Variants in TMPO observed in about 807,000 individuals in gnomAD.
The protein encoded by TMPO is thymopoietin, also known as LEM domain containing 4.
A neutral mutation model predicts 45.4 loss-of-function variants in TMPO; 22 were observed. The observed-to-expected ratio is 0.48, with a 90% CI of 0.35 to 0.69. The LOEUF is 0.69. TMPO is among the 30% of genes least tolerant of loss of function. The pLI, the probability that TMPO is intolerant of heterozygous loss-of-function variation, is 0.01. For synonymous variants in TMPO, 241 were observed against 204.1 expected, an observed-to-expected ratio of 1.18 and a Z score of -1.54; for missense variants, 512 against 548.8, an observed-to-expected ratio of 0.93 and a Z score of 0.67.
chr12:98,519,324 G>A (rs572627004), intron 1 of TMPO, among the ~76,000 whole-genome samples: 13 of 152,096 alleles, frequency 8.5e-5, no homozygotes, highest in Admixed American at 3.3e-4. Context: ...TCGACCTCCC[G>A]AGTAGCTGGG....
rs1875722674 is a variant in TMPO, at chr12:98,515,703, G to A, written c.-165G>A. The A allele has an allele frequency of 5.5e-6, 8 of 1,455,820 alleles. No homozygotes were observed. The highest frequency in any genetic ancestry group is 7.4e-6 in the Non-Finnish European group (8 of 1,085,198). 90.2% of individuals were successfully genotyped at this position (1,455,820 alleles called of 1,614,324 possible). A position where few individuals can be genotyped will look rare whatever the true frequency, so the allele number is the denominator to read the frequency against. ...TCTGGGGTCTTTTGTGTCCGGGTCTGGCTTGGCTTTGTGTCCGCGAGTTTT... is the reference window on the plus strand; with the variant it reads ...TCTGGGGTCTTTTGTGTCCGGGTCTAGCTTGGCTTTGTGTCCGCGAGTTTT... On this transcript the variant is annotated 5_prime_UTR_variant, in exon 1 of 9. Coordinates refer to ENST00000556029, the MANE Select transcript of TMPO (RefSeq NM_001032283.3).
In TMPO at chr12:98,533,647, G is replaced by A. The variant is rs1450805694; in HGVS notation, c.565+1809G>A. ...ACTGATGTCTTCTTTTGCCAAAACT[G>A]TTGTCTCTCATTCACTCACTACCTT... is the stretch of plus-strand genomic sequence containing the variant. On this transcript the variant is annotated intron_variant, in intron 3 of 8. Coordinates refer to ENST00000556029, the MANE Select transcript of TMPO (RefSeq NM_001032283.3). 2 of 1,614,046 alleles carry A rather than the reference G, an allele frequency of 1.2e-6. No individual in the cohort carries two copies. The highest frequency in any genetic ancestry group is 2.7e-5 in the African/African-American group (2 of 74,916).
intron 1 of TMPO, among the ~76,000 whole-genome samples, chr12:98,523,541 CAA>C (rs747050595): frequency 7.5e-6 from 1 of 133,474 alleles, no homozygotes; most frequent in African/African-American, 2.8e-5. Context: ...GACTCCATCT[CAA>C]AAAAAAAAAA....
intron 4 of TMPO, among the ~76,000 whole-genome samples, chr12:98,542,097 G>A (rs973870110): frequency 2.0e-5 from 3 of 152,152 alleles, no homozygotes; most frequent in Non-Finnish European, 4.4e-5. Context: ...GATGAACCAT[G>A]GAGCAGCATT....
chr12:98,516,790 C>T (rs1875873310), intron 1 of TMPO, among the ~76,000 whole-genome samples: 1 of 152,116 alleles, frequency 6.6e-6, no homozygotes, highest in African/African-American at 2.4e-5. Context: ...TTTTAGGCGC[C>T]TATTATAATT....
intron 3 of TMPO, chr12:98,533,377 G>A: frequency 6.2e-7 from 1 of 1,614,194 alleles, no homozygotes. Flanking sequence ...TCCGCCACTT[G>A]CCCAGGCAAT....
At chr12:98,520,682 G>C (rs1349746585) in intron 1 of TMPO, among the ~76,000 whole-genome samples, 1 of 151,136 alleles carries the variant, frequency 6.6e-6, no homozygotes, top group Non-Finnish European at 1.5e-5. Flanking sequence ...GGAGTGCAGT[G>C]GTGCAATCTC....
chr12:98,527,814 G>C, intron 1 of TMPO, 72 bp from the exon 2 acceptor site: 3 of 1,572,856 alleles, frequency 1.9e-6, no homozygotes, highest in Non-Finnish European at 2.6e-6. Context: ...GCATGTTTAT[G>C]TTATACAGGT....
At chr12:98,525,450 A>G (rs1432401902) in intron 1 of TMPO, among the ~76,000 whole-genome samples, 1 of 152,136 alleles carries the variant, frequency 6.6e-6, no homozygotes, top group African/African-American at 2.4e-5. Context: ...CTTTATTTGA[A>G]GTATTTCAGG....
At chr12:98,541,051 ATGT>A (rs959068135) in intron 4 of TMPO, among the ~76,000 whole-genome samples, 1 of 151,518 alleles carries the variant, frequency 6.6e-6, no homozygotes, top group Non-Finnish European at 1.5e-5. Flanking sequence ...TTCTTTTTTG[ATGT>A]TCACATTGTG....
At chr12:98,534,304 G>A in intron 3 of TMPO, 2 of 1,613,092 alleles carry the variant, frequency 1.2e-6, no homozygotes, top group South Asian at 2.2e-5. Context: ...TGGAGGAGAA[G>A]TATGCAAAGT....
chr12:98,528,059 A>T (rs201633457), intron 2 of TMPO, 47 bp downstream of exon 2: 2 of 1,610,630 alleles, frequency 1.2e-6, no homozygotes, highest in Non-Finnish European at 1.7e-6. Context: ...CTGAAGCAGG[A>T]CCCCAAATTA....
At chr12:98,520,206 C>T (rs1419367811) in intron 1 of TMPO, among the ~76,000 whole-genome samples, 2 of 151,918 alleles carry the variant, frequency 1.3e-5, no homozygotes, top group African/African-American at 2.4e-5. Flanking sequence ...TTGATCCACC[C>T]GCCTGAGCCT....
At chr12:98,518,789 GA>G (rs1876098149) in intron 1 of TMPO, among the ~76,000 whole-genome samples, 1 of 151,962 alleles carries the variant, frequency 6.6e-6, no homozygotes, top group African/African-American at 2.4e-5. Context: ...AAACTTTGGG[GA>G]TTTAAAAATG....
At chr12:98,520,177 C>T (rs1163664977) in intron 1 of TMPO, among the ~76,000 whole-genome samples, 1 of 152,084 alleles carries the variant, frequency 6.6e-6, no homozygotes, top group East Asian at 1.9e-4. Flanking sequence ...CCAGGCTGGT[C>T]TCAAACTCCT....
intron 4 of TMPO, among the ~76,000 whole-genome samples, chr12:98,542,246 C>T (rs1877957922): frequency 6.6e-6 from 1 of 152,160 alleles, no homozygotes; most frequent in South Asian, 2.1e-4. Flanking sequence ...TTTGAAAGTA[C>T]TGTTCTCAAA....
At chr12:98,533,249 G>T (rs1465200833) in intron 3 of TMPO, 1 of 1,613,898 alleles carries the variant, frequency 6.2e-7, no homozygotes, top group Admixed American at 1.7e-5. Context: ...AATATTTGCG[G>T]TAGAGAGAAA....
chr12:98,535,065 T>C (rs1383474256), intron 3 of TMPO: 2 of 868,316 alleles, frequency 2.3e-6, no homozygotes, highest in African/African-American at 1.8e-5. Flanking sequence ...TATCTCTTCA[T>C]TGACTGGTAG....
intron 4 of TMPO, 145 bp downstream of exon 4, chr12:98,537,717 A>G (rs768291490): frequency 2.6e-6 from 2 of 772,930 alleles, no homozygotes; most frequent in East Asian, 2.7e-5. Flanking sequence ...CTAAAAATCT[A>G]AACTTTGTGG....
Sources: allele counts gnomAD v4.1 joint callset (sites outside exome capture counted in the v4.1 genomes callset), GRCh38; gene constraint gnomAD v4.1.1; transcripts MANE v1.5; gene names NCBI Gene and HGNC (gene_info 2026-07-23, HGNC 2026-07-21).